CDYL2: variants seen among roughly 807,000 people sequenced by gnomAD.
CDYL2 encodes the protein chromodomain Y-like protein 2.
Under a neutral mutation model 49.4 loss-of-function variants are expected in CDYL2, and 23 were observed. That is an observed-to-expected ratio of 0.47 (90% CI 0.34 to 0.66). The LOEUF (loss-of-function observed/expected upper bound fraction) is 0.66, where lower values mean the gene tolerates loss of function less well. Ranked by LOEUF, CDYL2 falls within the 30% of genes least tolerant of loss-of-function variation. The probability of loss-of-function intolerance (pLI) is 0.01; values close to 1 mark genes in which losing one functional copy is unlikely to be tolerated. For synonymous variants in CDYL2, 360 were observed against 268.8 expected (o/e 1.34, Z -3.32); for missense variants, 678 against 656.4 (o/e 1.03, Z -0.36).
At position 80,616,523 on chromosome 16, in the gene CDYL2, T is replaced by C. The variant is rs538550988; in HGVS notation, c.1008-3687A>G. ...ATCGGCATTTCTCCTGTGACCCAGT[T>C]ACCCAACTCCCTTTAACCAGAGGCA... On this transcript the variant is annotated intron_variant, in intron 4 of 6. Transcript: ENST00000570137. 1.8e-4 allele frequency among the ~76,000 whole-genome samples: 28 copies of C among 152,230 alleles called. No homozygotes were observed. In the South Asian group the frequency reaches 5.8e-3, roughly 32 times the overall value.
At chr16:80,707,340 T>C (rs1193612664) in intron 1 of CDYL2, among the ~76,000 whole-genome samples, 1 of 151,986 alleles carries the variant, frequency 6.6e-6, no homozygotes, top group African/African-American at 2.4e-5. Flanking sequence ...CTGGCGTGTG[T>C]CTGTCCTATA....
intron 1 of CDYL2, chr16:80,736,480 C>G (rs1194494344): frequency 6.6e-6 from 1 of 152,120 alleles, no homozygotes; most frequent in Non-Finnish European, 1.5e-5. Context: ...CCCCCAGTCT[C>G]TTGAATATGA....
intron 1 of CDYL2, among the ~76,000 whole-genome samples, chr16:80,700,193 TC>T (rs2142499116): frequency 6.6e-6 from 1 of 152,286 alleles, no homozygotes; most frequent in East Asian, 1.9e-4. Flanking sequence ...GTTGGAGAAA[TC>T]ACAGTGCCTC....
chr16:80,761,391 G>A lies in CDYL2; in HGVS notation c.24+42759C>T, dbSNP rs146582359. On this transcript the variant is annotated intron_variant, in intron 1 of 6. Coordinates refer to ENST00000570137, the MANE Select transcript of CDYL2 (RefSeq NM_152342.4). ...ATCGAAGTATGCGTTTTCATCAAACGGTTGTTGTAAGATTATAACACACCC... is the reference window on the plus strand; with the variant it reads ...ATCGAAGTATGCGTTTTCATCAAACAGTTGTTGTAAGATTATAACACACCC... Among the ~76,000 whole-genome samples, 642 of 152,282 alleles carry A rather than the reference G, an allele frequency of 4.2e-3. 5 individuals carry two copies. The highest frequency in any genetic ancestry group is 7.4e-3 in the Non-Finnish European group (501 of 68,032).
chr16:80,685,225 G>T, intron 1 of CDYL2, 96 bp from the exon 2 acceptor site: 2 of 958,722 alleles, frequency 2.1e-6, no homozygotes, highest in Non-Finnish European at 3.2e-6. Context: ...TTGGGATAGA[G>T]GCATCTACCC....
Position 80,731,174 on chromosome 16 carries a change from T to C in CDYL2, c.25-46045A>G, listed in dbSNP as rs139879722. 1.5e-3 allele frequency among the ~76,000 whole-genome samples: 226 copies of C among 152,076 alleles called. 2 individuals carry two copies. Among genetic ancestry groups the C allele is most frequent in the African/African-American group, 5.3e-3 (220 of 41,488 alleles). The stretch of plus-strand genomic sequence containing the variant: ...CAGAGACAAGAGAAAACAATTGACA[T>C]GCAAAATAAGAACAGGATGAAATAA... On this transcript the variant is annotated intron_variant, in intron 1 of 6. Coordinates refer to ENST00000570137, the MANE Select transcript of CDYL2 (RefSeq NM_152342.4).
intron 4 of CDYL2, among the ~76,000 whole-genome samples, chr16:80,614,827 G>A (rs1293200554): frequency 6.9e-6 from 1 of 145,482 alleles, no homozygotes; most frequent in African/African-American, 2.6e-5. Flanking sequence ...TCGGGCCACT[G>A]CATTCCAGCC....
intron 1 of CDYL2, among the ~76,000 whole-genome samples, chr16:80,773,224 G>T (rs1334268111): frequency 2.0e-5 from 3 of 151,968 alleles, no homozygotes; most frequent in Non-Finnish European, 4.4e-5. Context: ...TTTTATAATG[G>T]CAAAAGGATC....
At chr16:80,726,903 T>C (rs1171049060) in intron 1 of CDYL2, among the ~76,000 whole-genome samples, 2 of 152,066 alleles carry the variant, frequency 1.3e-5, no homozygotes, top group African/African-American at 2.4e-5. Flanking sequence ...CCTGGGCACA[T>C]AATGAGATGC....
At chr16:80,732,326 G>A (rs764961266) in intron 1 of CDYL2, among the ~76,000 whole-genome samples, 5 of 151,968 alleles carry the variant, frequency 3.3e-5, no homozygotes, top group East Asian at 1.9e-4. Flanking sequence ...TCTTGGGTTC[G>A]GTGACATATG....
chr16:80,759,381 C>G (rs888766067), intron 1 of CDYL2, among the ~76,000 whole-genome samples: 5 of 152,006 alleles, frequency 3.3e-5, no homozygotes, highest in African/African-American at 9.6e-5. Flanking sequence ...CACAGAAAGT[C>G]TAGTCCTAAG....
intron 3 of CDYL2, 142 bp downstream of exon 3, chr16:80,632,877 T>C (rs941988914): frequency 7.2e-6 from 5 of 693,878 alleles, no homozygotes; most frequent in African/African-American, 1.8e-5. Flanking sequence ...GATGAGCAAA[T>C]TGCGCGCTGC....
Position 80,604,562 on chromosome 16 carries a change from C to T in CDYL2, c.1363-16G>A. ...CCTCTAACACCTAGAGGGAAATAGA[C>T]AGGCCTGATTAGCCGGGCACCAGGG... On this transcript the variant is annotated splice_polypyrimidine_tract_variant and intron_variant, in intron 6 of 6. Transcript: ENST00000570137. 6.2e-7 allele frequency: 1 copy of T among 1,614,114 alleles called. No individual in the cohort carries two copies.
intron 1 of CDYL2, among the ~76,000 whole-genome samples, chr16:80,753,142 A>C (rs984857054): frequency 6.6e-6 from 1 of 152,180 alleles, no homozygotes; most frequent in Non-Finnish European, 1.5e-5. Flanking sequence ...TGTAATTTAC[A>C]CTTTTCTTTA....
Position 80,671,557 on chromosome 16 carries a change from T to C in CDYL2, c.616+12981A>G, listed in dbSNP as rs182867950. Among the ~76,000 whole-genome samples, 3 of 152,292 alleles carry C rather than the reference T, an allele frequency of 2.0e-5. No individual in the cohort carries two copies. In the East Asian group the frequency reaches 5.8e-4, roughly 29 times the overall value. ...TGCTCTGGGCTCTCCTCCTTTGCCA[T>C]ACCATACCTCTTCCCTGTGTATCTG... On this transcript the variant is annotated intron_variant, in intron 2 of 6. Coordinates refer to ENST00000570137, the MANE Select transcript of CDYL2 (RefSeq NM_152342.4).
intron 1 of CDYL2, among the ~76,000 whole-genome samples, chr16:80,717,818 A>G (rs1400680061): frequency 6.6e-6 from 1 of 152,236 alleles, no homozygotes; most frequent in Non-Finnish European, 1.5e-5. Flanking sequence ...AGGACTCCCC[A>G]TCATATGCTA....
In CDYL2 at chr16:80,603,357, G is replaced by C. The variant is rs1906180458; in HGVS notation, c.*1031C>G. 6.6e-6 allele frequency: 1 copy of C among 152,176 alleles called. No homozygotes were observed. The highest frequency in any genetic ancestry group is 2.4e-5 in the African/African-American group (1 of 41,422). The allele number at this position is 152,176 out of a possible 1,614,324, so 9.4% of individuals were successfully genotyped here. On this transcript the variant is annotated 3_prime_UTR_variant, in exon 7 of 7. Coordinates refer to ENST00000570137, the MANE Select transcript of CDYL2 (RefSeq NM_152342.4). ...CTGGGTCTGTTTCAGGATCATTCAG[G>C]CTAAGAGGGCCCTTTAACTCCTTAA...
intron 1 of CDYL2, among the ~76,000 whole-genome samples, chr16:80,742,461 C>CATGT (rs1555534520): frequency 4.8e-5 from 7 of 146,174 alleles, no homozygotes; most frequent in African/African-American, 1.8e-4. Flanking sequence ...AGGATGGATG[C>CATGT]ATGGATGGAT....
At chr16:80,648,538 C>A (rs113886318) in intron 2 of CDYL2, among the ~76,000 whole-genome samples, 1 of 151,948 alleles carries the variant, frequency 6.6e-6, no homozygotes, top group Non-Finnish European at 1.5e-5. Context: ...AGTCTGGGAC[C>A]CAATGTCTTC....
Sources: allele counts gnomAD v4.1 joint callset (sites outside exome capture counted in the v4.1 genomes callset), GRCh38; gene constraint gnomAD v4.1.1; transcripts MANE v1.5; gene names NCBI Gene and HGNC (gene_info 2026-07-23, HGNC 2026-07-21).